The following NT5DC3 variants were observed in gnomAD, a reference collection of about 807,000 sequenced individuals.
NT5DC3 encodes the protein 5'-nucleotidase domain containing 3, also known as 5'-nucleotidase domain-containing protein 3.
In NT5DC3, 42 loss-of-function variants were observed where a neutral mutation model predicts 67.8. The observed-to-expected ratio is 0.62, with a 90% confidence interval of 0.48 to 0.80. The LOEUF (loss-of-function observed/expected upper bound fraction) is 0.80. NT5DC3 is among the 30% of genes least tolerant of loss of function. The pLI, the probability that NT5DC3 is intolerant of heterozygous loss-of-function variation, is 0.00. For synonymous variants in NT5DC3, 237 were observed against 255.6 expected, an observed-to-expected ratio of 0.93 and a Z score of 0.69; for missense variants, 570 against 696.4, an observed-to-expected ratio of 0.82 and a Z score of 2.04.
intron 13 of NT5DC3, among the ~76,000 whole-genome samples, chr12:103,780,092 CA>C: frequency 6.6e-6 from 1 of 152,202 alleles, no homozygotes; most frequent in Non-Finnish European, 1.5e-5. Context: ...GGAGGAATGA[CA>C]GGGGTGATGG....
the NT5DC3 span, chr12:103,758,019 C>T: frequency 5.5e-5 from 63 of 1,136,032 alleles, no homozygotes; most frequent in African/African-American, 7.7e-4. Flanking sequence ...TCTCCCACGG[C>T]GCAGGCAGAA....
rs567493682 is a variant in NT5DC3 at position 103,773,481 on chromosome 12, T to C, written c.*4348A>G. The C allele has an allele frequency of 7.2e-5, 11 of 152,288 alleles. No individual in the cohort carries two copies. The highest frequency in any genetic ancestry group is 2.6e-4 in the African/African-American group (11 of 41,558). The allele number at this position is 152,288 out of a possible 1,614,324, so 9.4% of individuals were successfully genotyped here. A position where few individuals can be genotyped will look rare whatever the true frequency, so the allele number is the denominator to read the frequency against. ...TGACACTAGTAGTGTCAAAGATTAC[T>C]GTTACTAAATGACACTAGTAGTGTC... On this transcript the variant is annotated 3_prime_UTR_variant, in exon 14 of 14. Transcript: ENST00000392876.
rs1885237834 is a variant in NT5DC3, at chr12:103,773,377, A to G, written c.*4452T>C. On this transcript the variant is annotated 3_prime_UTR_variant, in exon 14 of 14. Coordinates refer to ENST00000392876, the MANE Select transcript of NT5DC3 (RefSeq NM_001031701.3). Reference sequence around the variant, plus strand: ...GGAAAAGTTTGCTGACCCTGCATTAAGGGTACTTCATTCCCTACCCTTTCT... The same window carrying G: ...GGAAAAGTTTGCTGACCCTGCATTAGGGGTACTTCATTCCCTACCCTTTCT... 1 of 152,212 alleles carries G rather than the reference A, an allele frequency of 6.6e-6. No individual in the cohort carries two copies. Among genetic ancestry groups the G allele is most frequent in the African/African-American group, 2.4e-5 (1 of 41,456 alleles). The allele number at this position is 152,212 out of a possible 1,614,324, so 9.4% of individuals were successfully genotyped here. A position where few individuals can be genotyped will look rare whatever the true frequency, so the allele number is the denominator to read the frequency against.
At chr12:103,769,406 G>A (rs563040141), downstream of NT5DC3, among the ~76,000 whole-genome samples, 1 of 152,290 alleles carries the variant, frequency 6.6e-6, no homozygotes, top group East Asian at 1.9e-4. Flanking sequence ...TTGACAACTT[G>A]GTTCCCCACT....
chr12:103,759,599 T>C, the NT5DC3 span, among the ~76,000 whole-genome samples: 3 of 152,204 alleles, frequency 2.0e-5, no homozygotes, highest in Admixed American at 1.3e-4. Context: ...GACCCCAGTA[T>C]GAATCCCAGT....
rs893261349 is a variant in NT5DC3 at position 103,796,824 on chromosome 12, A to C, written c.753+70T>G. On this transcript the variant is annotated intron_variant, in intron 6 of 13. Coordinates refer to ENST00000392876, the MANE Select transcript of NT5DC3 (RefSeq NM_001031701.3). ...AACACCTAACCTAGAAAGGAGGTTCAAGACTCTGTGACTCCCACTGAAAAG... is the reference window on the plus strand; with the variant it reads ...AACACCTAACCTAGAAAGGAGGTTCCAGACTCTGTGACTCCCACTGAAAAG... The C allele has an allele frequency of 1.9e-6, 3 of 1,553,928 alleles. No individual in the cohort carries two copies. The African/African-American group carries it at 4.1e-5, about 21-fold the overall frequency.
At chr12:103,808,972 G>A (rs1886918063) in intron 2 of NT5DC3, among the ~76,000 whole-genome samples, 1 of 152,174 alleles carries the variant, frequency 6.6e-6, no homozygotes, top group East Asian at 1.9e-4. Context: ...GGCATCTCAA[G>A]CCTATTTTAC....
chr12:103,804,045 G>C (rs1230853039), intron 4 of NT5DC3, among the ~76,000 whole-genome samples: 5 of 152,036 alleles, frequency 3.3e-5, no homozygotes, highest in African/African-American at 4.8e-5. Flanking sequence ...ACTAATAATA[G>C]TACCTACTTC....
chr12:103,798,941 T>C (rs1476956002), intron 4 of NT5DC3, among the ~76,000 whole-genome samples: 1 of 152,232 alleles, frequency 6.6e-6, no homozygotes. Flanking sequence ...GAATTACACC[T>C]AGTCATTCCT....
At chr12:103,785,254 A>T in intron 12 of NT5DC3, 81 bp downstream of exon 12, 1 of 1,354,242 alleles carries the variant, frequency 7.4e-7, no homozygotes, top group Non-Finnish European at 1.0e-6. Context: ...ATTTTATAAC[A>T]ATTAAGCAGA....
At chr12:103,780,103 G>A (rs968122502) in intron 13 of NT5DC3, among the ~76,000 whole-genome samples, 197 bp downstream of exon 13, 2 of 152,190 alleles carry the variant, frequency 1.3e-5, no homozygotes, top group African/African-American at 4.8e-5. Context: ...AGGGGTGATG[G>A]CTGGCCTCAA....
At chr12:103,798,166 G>A (rs1490155751) in intron 5 of NT5DC3, among the ~76,000 whole-genome samples, 1 of 152,190 alleles carries the variant, frequency 6.6e-6, no homozygotes. Context: ...AAAATTCTGA[G>A]TGGAAAGAGA....
intron 1 of NT5DC3, among the ~76,000 whole-genome samples, chr12:103,817,869 T>C (rs556653838): frequency 1.1e-4 from 17 of 152,334 alleles, no homozygotes; most frequent in African/African-American, 3.8e-4. Context: ...TTTCTGACTA[T>C]GAATGGCACA....
chr12:103,817,041 G>GAA (rs372589040), intron 1 of NT5DC3, among the ~76,000 whole-genome samples: 1 of 79,350 alleles, frequency 1.3e-5, no homozygotes, highest in Non-Finnish European at 2.7e-5. Flanking sequence ...ACAGCAAAAA[G>GAA]AAAAAAAAAA....
At chr12:103,752,606 G>A in the NT5DC3 span, among the ~76,000 whole-genome samples, 2 of 152,090 alleles carry the variant, frequency 1.3e-5, no homozygotes, top group Non-Finnish European at 2.9e-5. Context: ...GCACAGCAGG[G>A]GTCAGAAAAC....
chr12:103,746,748 G>C, the NT5DC3 span: 1 of 1,592,166 alleles, frequency 6.3e-7, no homozygotes, highest in Non-Finnish European at 8.6e-7. Flanking sequence ...CATGGTGTGG[G>C]AGAGGAGCAG....
At chr12:103,763,640 C>A in the NT5DC3 span, 22 of 1,575,482 alleles carry the variant, frequency 1.4e-5, no homozygotes, top group South Asian at 2.5e-4. Context: ...GGAATAGGTT[C>A]CCTTGGGGTA....
At chr12:103,762,204 C>T in the NT5DC3 span, 4 of 1,589,658 alleles carry the variant, frequency 2.5e-6, no homozygotes, top group Non-Finnish European at 3.4e-6. Context: ...ATGCCTCGGG[C>T]CACCAAGGGT....
chr12:103,790,495 A>C (rs1277111280), intron 9 of NT5DC3, among the ~76,000 whole-genome samples: 2 of 151,908 alleles, frequency 1.3e-5, no homozygotes, highest in Non-Finnish European at 2.9e-5. Context: ...TCCTGACCTC[A>C]GGTGATCTGC....
Sources: gnomAD v4.1 joint callset for allele counts (sites outside exome capture counted in the v4.1 genomes callset) on GRCh38, gnomAD v4.1.1 for gene constraint, MANE v1.5 for transcripts, NCBI Gene and HGNC (gene_info 2026-07-23, HGNC 2026-07-21) for gene names.